The following BNC2 variants were observed in gnomAD, a reference collection of about 807,000 sequenced individuals.
BNC2 encodes the protein zinc finger protein basonuclin-2.
Under a neutral mutation model 76.3 loss-of-function variants are expected in BNC2, and 20 were observed. That is an observed-to-expected ratio of 0.26 (90% CI 0.18 to 0.38). BNC2 has a LOEUF of 0.38. Among genes scored for constraint, BNC2 ranks in the 10% least tolerant of loss-of-function variants. The pLI is 1.00. For synonymous variants in BNC2, 582 were observed against 514.8 expected (o/e 1.13, Z -1.77); for missense variants, 1,382 against 1,399.8 (o/e 0.99, Z 0.20).
chr9:16,799,320 T>C (rs987191967), intron 1 of BNC2, among the ~76,000 whole-genome samples: 3 of 152,086 alleles, frequency 2.0e-5, no homozygotes, highest in African/African-American at 4.8e-5. Flanking sequence ...ATTTTATTTA[T>C]TTATTTATTT....
intron 1 of BNC2, among the ~76,000 whole-genome samples, chr9:16,795,263 T>C (rs555467708): frequency 1.2e-4 from 19 of 152,008 alleles, no homozygotes; most frequent in Admixed American, 1.2e-3. Flanking sequence ...CAACACAAGA[T>C]AGTAAGGCGA....
At chr9:16,427,350 A>C (rs1326040785) in intron 6 of BNC2, among the ~76,000 whole-genome samples, 1 of 152,204 alleles carries the variant, frequency 6.6e-6, no homozygotes, top group Non-Finnish European at 1.5e-5. Flanking sequence ...TAATGGCACT[A>C]ATAATGTGGA....
At chr9:16,595,578 T>C (rs1433943980) in intron 3 of BNC2, among the ~76,000 whole-genome samples, 2 of 152,156 alleles carry the variant, frequency 1.3e-5, no homozygotes, top group Non-Finnish European at 2.9e-5. Flanking sequence ...TTACCATTTC[T>C]TCTAAAAGGT....
At chr9:16,858,319 C>T (rs544279744) in intron 1 of BNC2, among the ~76,000 whole-genome samples, 1 of 152,264 alleles carries the variant, frequency 6.6e-6, no homozygotes, top group South Asian at 2.1e-4. Context: ...AATTAAGAAA[C>T]ATCAAAGTAA....
At chr9:16,455,419 G>T (rs1339027373) in intron 5 of BNC2, among the ~76,000 whole-genome samples, 1 of 152,154 alleles carries the variant, frequency 6.6e-6, no homozygotes, top group Non-Finnish European at 1.5e-5. Context: ...ATACCAAAAA[G>T]AAAATACACA....
chr9:16,674,933 G>A (rs1046820007), intron 3 of BNC2, among the ~76,000 whole-genome samples: 1 of 152,082 alleles, frequency 6.6e-6, no homozygotes, highest in Non-Finnish European at 1.5e-5. Context: ...GAATATTTCC[G>A]ATTCTTAAAG....
intron 1 of BNC2, among the ~76,000 whole-genome samples, chr9:16,845,926 G>T (rs1425988570): frequency 6.6e-6 from 1 of 151,990 alleles, no homozygotes; most frequent in Non-Finnish European, 1.5e-5. Flanking sequence ...GAGACGGGCG[G>T]ATCAGGAGGT....
At chr9:16,473,227 C>T (rs1442838055) in intron 5 of BNC2, 1 of 152,122 alleles carries the variant, frequency 6.6e-6, no homozygotes, top group Admixed American at 6.5e-5. Context: ...ATGCCATGGA[C>T]GAAGAGTCAG....
intron 1 of BNC2, among the ~76,000 whole-genome samples, chr9:16,797,527 T>C (rs1389207417): frequency 6.6e-6 from 1 of 152,134 alleles, no homozygotes; most frequent in African/African-American, 2.4e-5. Context: ...TGAGCTAGCT[T>C]TTAAAATGAA....
intron 3 of BNC2, among the ~76,000 whole-genome samples, chr9:16,682,940 G>C (rs1266952761): frequency 1.3e-5 from 2 of 152,202 alleles, no homozygotes; most frequent in East Asian, 3.8e-4. Flanking sequence ...TTTCTTAGAA[G>C]ATGATTGCAT....
chr9:16,443,736 T>C (rs1240943224), intron 5 of BNC2, among the ~76,000 whole-genome samples: 1 of 152,186 alleles, frequency 6.6e-6, no homozygotes, highest in African/African-American at 2.4e-5. Context: ...TGAAAGACGT[T>C]AGACCCAAAG....
At chr9:16,760,835 G>A (rs1317218656) in intron 1 of BNC2, among the ~76,000 whole-genome samples, 1 of 152,100 alleles carries the variant, frequency 6.6e-6, no homozygotes, top group Non-Finnish European at 1.5e-5. Flanking sequence ...TTGGGGAGGA[G>A]AGGGAAACAG....
chr9:16,454,457 C>T (rs1360850541), intron 5 of BNC2, among the ~76,000 whole-genome samples: 1 of 152,118 alleles, frequency 6.6e-6, no homozygotes, highest in African/African-American at 2.4e-5. Context: ...TGTGCCACCA[C>T]ACCCAGCTAA....
intron 3 of BNC2, among the ~76,000 whole-genome samples, chr9:16,721,175 C>A (rs1824146079): frequency 6.6e-6 from 1 of 152,090 alleles, no homozygotes; most frequent in African/African-American, 2.4e-5. Context: ...CTTCTTAGAC[C>A]TTGAGCTGCT....
intron 3 of BNC2, among the ~76,000 whole-genome samples, chr9:16,645,493 C>T (rs1821597571): frequency 6.6e-6 from 1 of 152,152 alleles, no homozygotes; most frequent in Non-Finnish European, 1.5e-5. Context: ...ATACTAAACA[C>T]ATGTACATTA....
chr9:16,646,711 C>A (rs941423671), intron 3 of BNC2, among the ~76,000 whole-genome samples: 1 of 152,078 alleles, frequency 6.6e-6, no homozygotes, highest in African/African-American at 2.4e-5. Context: ...AAACTGTACA[C>A]TTAAAATGGG....
At chr9:16,763,185 G>A (rs966085859) in intron 1 of BNC2, among the ~76,000 whole-genome samples, 1 of 152,166 alleles carries the variant, frequency 6.6e-6, no homozygotes, top group Non-Finnish European at 1.5e-5. Context: ...GGGCTCCAGA[G>A]AATGTCAGAA....
chr9:16,481,188 T>G (rs1822047180), intron 5 of BNC2, among the ~76,000 whole-genome samples: 1 of 152,058 alleles, frequency 6.6e-6, no homozygotes, highest in Non-Finnish European at 1.5e-5. Context: ...TGTGTCTAGC[T>G]CAGGGATTGT....
chr9:16,791,871 G>C lies in BNC2; in HGVS notation c.4-53386C>G, dbSNP rs1586887405. Among the ~76,000 whole-genome samples, 3 of 152,272 alleles carry C rather than the reference G, an allele frequency of 2.0e-5. No individual in the cohort carries two copies. In the East Asian group the frequency reaches 5.8e-4, roughly 29 times the overall value. On this transcript the variant is annotated intron_variant, in intron 1 of 6. Coordinates refer to ENST00000380672, the MANE Select transcript of BNC2 (RefSeq NM_017637.6). Reference sequence around the variant, plus strand: ...TAACCCCATCACTTTGGGAAGCCAAGGCAGGTGGATCACTTAAGCCCAGAA... The same window carrying C: ...TAACCCCATCACTTTGGGAAGCCAACGCAGGTGGATCACTTAAGCCCAGAA...
Sources: allele counts gnomAD v4.1 joint callset (sites outside exome capture counted in the v4.1 genomes callset), GRCh38; gene constraint gnomAD v4.1.1; transcripts MANE v1.5; gene names NCBI Gene and HGNC (gene_info 2026-07-23, HGNC 2026-07-21).